The following SH3RF3 variants were observed in gnomAD, a reference collection of about 807,000 sequenced individuals.
SH3RF3 encodes the protein E3 ubiquitin-protein ligase SH3RF3.
SH3RF3 carries 29 observed loss-of-function variants against 66.3 expected under a neutral mutation model. The observed-to-expected ratio is 0.44, with a 90% CI of 0.33 to 0.60. The LOEUF (loss-of-function observed/expected upper bound fraction) is 0.60, where lower values mean the gene tolerates loss of function less well. SH3RF3 is among the 20% of genes least tolerant of loss of function. The pLI, the probability that SH3RF3 is intolerant of heterozygous loss-of-function variation, is 0.04. For missense variants in SH3RF3, 1,194 were observed against 1,190.9 expected, an observed-to-expected ratio of 1.00 and a Z score of -0.04; for synonymous variants, 583 against 532.0, an observed-to-expected ratio of 1.10 and a Z score of -1.32.
chr2:109,437,189 G>T, intron 7 of SH3RF3, 43 bp downstream of exon 7: 1 of 1,562,096 alleles, frequency 6.4e-7, no homozygotes, highest in East Asian at 2.3e-5. Context: ...TCAACAAGGG[G>T]GCTTCCTGGG....
chr2:109,135,902 T>C (rs1676804737), intron 1 of SH3RF3, among the ~76,000 whole-genome samples: 3 of 152,184 alleles, frequency 2.0e-5, no homozygotes, highest in African/African-American at 7.2e-5. Flanking sequence ...CATAATCTGC[T>C]TTAAAAAAAC....
Position 109,314,495 on chromosome 2 carries a change from G to A in SH3RF3, c.574-33179G>A, listed in dbSNP as rs956675501. 3.9e-5 allele frequency among the ~76,000 whole-genome samples: 6 copies of A among 152,254 alleles called. No individual in the cohort carries two copies. The East Asian group carries it at 7.8e-4, about 20-fold the overall frequency. On this transcript the variant is annotated intron_variant, in intron 1 of 9. Transcript: ENST00000309415. ...AGCCTGAAACGGCATGACCTTTGAT[G>A]TCACCTCCGTGCAGGAATGAATTTC... is the stretch of plus-strand genomic sequence containing the variant.
At chr2:109,152,669 A>T in intron 1 of SH3RF3, among the ~76,000 whole-genome samples, 1 of 152,112 alleles carries the variant, frequency 6.6e-6, no homozygotes, top group South Asian at 2.1e-4. Flanking sequence ...TAAGCATTTC[A>T]TGGTTTCAAG....
intron 1 of SH3RF3, among the ~76,000 whole-genome samples, chr2:109,345,294 C>T (rs1682659053): frequency 6.6e-6 from 1 of 151,898 alleles, no homozygotes; most frequent in South Asian, 2.1e-4. Context: ...GGTGGGGAGG[C>T]CAGAAAGGAA....
At chr2:109,424,643 T>C (rs538737113) in intron 5 of SH3RF3, among the ~76,000 whole-genome samples, 1 of 152,182 alleles carries the variant, frequency 6.6e-6, no homozygotes, top group Non-Finnish European at 1.5e-5. Context: ...TGATCAGTGA[T>C]TTTTGGCGTT....
intron 1 of SH3RF3, among the ~76,000 whole-genome samples, chr2:109,189,297 A>C (rs1678279373): frequency 1.3e-5 from 2 of 151,098 alleles, no homozygotes; most frequent in African/African-American, 4.9e-5. Flanking sequence ...TCTGATTGTC[A>C]GGCTCCACCT....
chr2:109,313,799 A>C (rs1681796359), intron 1 of SH3RF3, among the ~76,000 whole-genome samples: 1 of 152,220 alleles, frequency 6.6e-6, no homozygotes, highest in African/African-American at 2.4e-5. Context: ...TGGCAGCATG[A>C]GTGAAACAGA....
intron 1 of SH3RF3, among the ~76,000 whole-genome samples, chr2:109,181,640 C>T (rs908185432): frequency 2.7e-4 from 41 of 152,208 alleles, no homozygotes; most frequent in African/African-American, 9.2e-4. Context: ...CAGTAGATGC[C>T]TGTTGCCGAA....
At chr2:109,425,273 A>G (rs1187592502) in intron 5 of SH3RF3, among the ~76,000 whole-genome samples, 2 of 152,284 alleles carry the variant, frequency 1.3e-5, no homozygotes, top group Admixed American at 6.5e-5. Flanking sequence ...TCTCTGCAAC[A>G]TAAAAGTACA....
chr2:109,504,359 G>C lies in SH3RF3; in HGVS notation c.*2688G>C, dbSNP rs1000379486. On this transcript the variant is annotated 3_prime_UTR_variant, in exon 10 of 10. Transcript: ENST00000309415. ...GAGGGGACAGGACTGCAGGCCACCA[G>C]GGGCCTCTGCCCAGAGGGAGGCAGA... The C allele has an allele frequency of 6.6e-6, 1 of 152,258 alleles. No homozygotes were observed. The highest frequency in any genetic ancestry group is 1.9e-4 in the East Asian group (1 of 5,184). The allele number at this position is 152,258 out of a possible 1,614,324, so 9.4% of individuals were successfully genotyped here.
At chr2:109,487,262 A>C (rs1184608679) in intron 8 of SH3RF3, among the ~76,000 whole-genome samples, 4 of 152,120 alleles carry the variant, frequency 2.6e-5, no homozygotes, top group African/African-American at 7.2e-5. Flanking sequence ...TTGTCCCCCA[A>C]ATCAGTCTAT....
intron 1 of SH3RF3, among the ~76,000 whole-genome samples, chr2:109,299,310 A>G (rs1051533335): frequency 6.6e-6 from 1 of 152,164 alleles, no homozygotes; most frequent in Admixed American, 6.5e-5. Flanking sequence ...TCAGATGAAA[A>G]TTTGAAGCTT....
At chr2:109,139,282 G>A (rs552771972) in intron 1 of SH3RF3, among the ~76,000 whole-genome samples, 2 of 152,064 alleles carry the variant, frequency 1.3e-5, no homozygotes, top group South Asian at 2.1e-4. Flanking sequence ...AATTAATGTC[G>A]CCTTAACAAA....
intron 1 of SH3RF3, among the ~76,000 whole-genome samples, chr2:109,254,547 C>T (rs1192706823): frequency 1.3e-5 from 2 of 152,234 alleles, no homozygotes; most frequent in African/African-American, 2.4e-5. Flanking sequence ...GGCAATACAA[C>T]ATTGTAGATG....
At position 109,129,701 on chromosome 2, in the gene SH3RF3, T is replaced by A; in HGVS notation, c.161T>A (p.Leu54Gln). Residue 54 changes from leucine to glutamine, a missense_variant, in exon 1 of 10, where the codon CTG becomes CAG. Transcript: ENST00000309415. ...EDMDESSLLD[L>Q]LECSVCLERL... ...ATGGACGAGTCGTCGCTGCTGGACC[T>A]GCTGGAGTGCTCCGTGTGTCTGGAG... 2.0e-6 allele frequency: 3 copies of A among 1,534,578 alleles called. No homozygotes were observed. The highest frequency in any genetic ancestry group is 2.6e-6 in the Non-Finnish European group (3 of 1,144,380).
intron 1 of SH3RF3, among the ~76,000 whole-genome samples, chr2:109,244,367 A>T (rs1470466469): frequency 1.3e-5 from 2 of 152,212 alleles, no homozygotes; most frequent in African/African-American, 4.8e-5. Context: ...CCTAATATAT[A>T]AACCTCAGGT....
At chr2:109,195,633 C>T (rs62151262) in intron 1 of SH3RF3, among the ~76,000 whole-genome samples, 4 of 152,298 alleles carry the variant, frequency 2.6e-5, no homozygotes, top group Non-Finnish European at 5.9e-5. Context: ...CCTCTTTCCC[C>T]GCAGGCAGCC....
chr2:109,203,193 C>T (rs6759171), intron 1 of SH3RF3, among the ~76,000 whole-genome samples: 3,573 of 152,218 alleles, frequency 0.023, 132 homozygotes, highest in African/African-American at 0.078. Context: ...ATGCCTTGCC[C>T]GCAAGAAGGA....
chr2:109,422,144 C>G (rs775966695), intron 5 of SH3RF3, among the ~76,000 whole-genome samples: 2 of 152,156 alleles, frequency 1.3e-5, no homozygotes, highest in Non-Finnish European at 2.9e-5. Flanking sequence ...AAGTCACGTT[C>G]AGAAGTCTGA....
Sources: gnomAD v4.1 joint callset for allele counts (sites outside exome capture counted in the v4.1 genomes callset) on GRCh38, gnomAD v4.1.1 for gene constraint, MANE v1.5 for transcripts, NCBI Gene and HGNC (gene_info 2026-07-23, HGNC 2026-07-21) for gene names.